The following RGS6 variants were observed in gnomAD, a reference collection of about 807,000 sequenced individuals.
RGS6 encodes the protein regulator of G protein signaling 6, also known as regulator of G-protein signaling 6.
A neutral mutation model predicts 78.5 loss-of-function variants in RGS6; 30 were observed. The ratio of observed to expected loss-of-function variants is 0.38; its 90% confidence interval spans 0.29 to 0.52. The LOEUF (loss-of-function observed/expected upper bound fraction) is 0.52, where lower values mean the gene tolerates loss of function less well. RGS6 is among the 20% of genes least tolerant of loss of function. The pLI is 0.85. For missense variants in RGS6, 495 were observed against 609.7 expected (o/e 0.81, Z 1.98); for synonymous variants, 206 against 206.0 (o/e 1.00, Z 0.00).
chr14:72,615,542 C>T, the RGS6 span, among the ~76,000 whole-genome samples: 1 of 152,190 alleles, frequency 6.6e-6, no homozygotes, highest in Non-Finnish European at 1.5e-5. Flanking sequence ...AACCCAAACC[C>T]TCCCCCAACT....
chr14:71,941,590 A>G (rs1247548373), intron 1 of RGS6, among the ~76,000 whole-genome samples: 2 of 152,194 alleles, frequency 1.3e-5, no homozygotes, highest in Non-Finnish European at 2.9e-5. Context: ...AAGTCCCAAA[A>G]CTGAAGAACT....
chr14:72,194,712 A>C (rs2039597794), intron 2 of RGS6, among the ~76,000 whole-genome samples: 1 of 152,218 alleles, frequency 6.6e-6, no homozygotes, highest in African/African-American at 2.4e-5. Context: ...AAAAACAATA[A>C]GTGAATTATA....
At chr14:72,083,242 A>T (rs2094896490) in intron 2 of RGS6, among the ~76,000 whole-genome samples, 1 of 152,190 alleles carries the variant, frequency 6.6e-6, no homozygotes, top group Non-Finnish European at 1.5e-5. Context: ...GATTGATCTG[A>T]CATAGATCAA....
At chr14:72,505,754 A>G (rs552559798) in intron 13 of RGS6, among the ~76,000 whole-genome samples, 3 of 152,334 alleles carry the variant, frequency 2.0e-5, no homozygotes, top group East Asian at 3.9e-4. Context: ...GGATGTTTAA[A>G]TACAATGTCA....
At chr14:72,111,164 A>G (rs1026145910) in intron 2 of RGS6, among the ~76,000 whole-genome samples, 2 of 152,188 alleles carry the variant, frequency 1.3e-5, no homozygotes, top group African/African-American at 2.4e-5. Flanking sequence ...CACCTTGCCT[A>G]GCTCTGCCAG....
At chr14:71,995,584 G>T (rs2095164610) in intron 2 of RGS6, among the ~76,000 whole-genome samples, 1 of 152,208 alleles carries the variant, frequency 6.6e-6, no homozygotes, top group Non-Finnish European at 1.5e-5. Flanking sequence ...TGTAAATGGA[G>T]ATAATAATGG....
chr14:72,203,287 A>C (rs1349887059), intron 2 of RGS6, among the ~76,000 whole-genome samples: 2 of 152,376 alleles, frequency 1.3e-5, no homozygotes, highest in Admixed American at 6.5e-5. Context: ...TGAATTCATA[A>C]ATTAATAGAT....
chr14:71,981,673 C>A (rs368121667), intron 2 of RGS6, among the ~76,000 whole-genome samples: 2 of 151,742 alleles, frequency 1.3e-5, no homozygotes, highest in Non-Finnish European at 2.9e-5. Flanking sequence ...GCTGGGAGAA[C>A]CACTGCTCTC....
chr14:72,148,003 C>A (rs1056415105), intron 2 of RGS6, among the ~76,000 whole-genome samples: 1 of 151,780 alleles, frequency 6.6e-6, no homozygotes, highest in African/African-American at 2.4e-5. Context: ...TGGTGGCAGG[C>A]GTCTGTAGTC....
intron 1 of RGS6, among the ~76,000 whole-genome samples, chr14:71,953,400 G>A (rs2092515648): frequency 6.6e-6 from 1 of 151,828 alleles, no homozygotes; most frequent in Non-Finnish European, 1.5e-5. Flanking sequence ...AAACAAATGG[G>A]CATTTATTTA....
At chr14:71,889,358 G>A in the RGS6 span, among the ~76,000 whole-genome samples, 2 of 152,208 alleles carry the variant, frequency 1.3e-5, no homozygotes, top group East Asian at 1.9e-4. Flanking sequence ...GAAGAAAAGA[G>A]TGAGAAATGT....
intron 2 of RGS6, among the ~76,000 whole-genome samples, chr14:72,149,006 C>A (rs1481897929): frequency 6.6e-6 from 1 of 152,214 alleles, no homozygotes; most frequent in Non-Finnish European, 1.5e-5. Flanking sequence ...GATAGCTTAT[C>A]TCCGCACCAC....
chr14:71,972,434 C>A (rs1335889325), intron 2 of RGS6, among the ~76,000 whole-genome samples: 2 of 151,974 alleles, frequency 1.3e-5, no homozygotes, highest in Non-Finnish European at 2.9e-5. Context: ...CTATGTATAT[C>A]ATCTGTTTAC....
chr14:72,138,897 G>A (rs952506416), intron 2 of RGS6, among the ~76,000 whole-genome samples: 7 of 152,084 alleles, frequency 4.6e-5, no homozygotes, highest in Non-Finnish European at 8.8e-5. Flanking sequence ...GGCTACCACC[G>A]ATTTGATACT....
At chr14:72,245,459 G>A (rs2053990140) in intron 2 of RGS6, among the ~76,000 whole-genome samples, 1 of 152,206 alleles carries the variant, frequency 6.6e-6, no homozygotes, top group African/African-American at 2.4e-5. Flanking sequence ...TATCCCTTAA[G>A]GGAAAGGAAG....
At chr14:72,409,101 A>AG (rs2093187618) in intron 3 of RGS6, among the ~76,000 whole-genome samples, 1 of 152,236 alleles carries the variant, frequency 6.6e-6, no homozygotes, top group African/African-American at 2.4e-5. Flanking sequence ...GATTCCAGTG[A>AG]GGGGTCCCTC....
chr14:71,889,637 G>A, the RGS6 span, among the ~76,000 whole-genome samples: 1 of 152,122 alleles, frequency 6.6e-6, no homozygotes, highest in Non-Finnish European at 1.5e-5. Flanking sequence ...ACTTTGCAGG[G>A]CGTAAGGTAC....
intron 2 of RGS6, among the ~76,000 whole-genome samples, chr14:72,195,677 A>G (rs1299165369): frequency 6.6e-6 from 1 of 152,226 alleles, no homozygotes; most frequent in Non-Finnish European, 1.5e-5. Context: ...GAAAGTGACT[A>G]GGAGAACTTT....
intron 2 of RGS6, among the ~76,000 whole-genome samples, chr14:71,974,926 G>A (rs78634744): frequency 0.054 from 8,222 of 152,246 alleles, 324 homozygotes; most frequent in Non-Finnish European, 0.081. Context: ...AGATCACTTG[G>A]CCCAAGAGTT....
Sources: gnomAD v4.1 joint callset for allele counts (sites outside exome capture counted in the v4.1 genomes callset) on GRCh38, gnomAD v4.1.1 for gene constraint, MANE v1.5 for transcripts, NCBI Gene and HGNC (gene_info 2026-07-23, HGNC 2026-07-21) for gene names.